The following ENTPD1 variants were observed in gnomAD, a reference collection of about 807,000 sequenced individuals.
ENTPD1 encodes the protein ATP diphosphohydrolase.
Under a neutral mutation model 57.0 loss-of-function variants are expected in ENTPD1, and 33 were observed. That is an observed-to-expected ratio of 0.58 (90% CI 0.44 to 0.77). The LOEUF (loss-of-function observed/expected upper bound fraction) is 0.77. Ranked by LOEUF, ENTPD1 falls within the 30% of genes least tolerant of loss-of-function variation. ENTPD1 has a pLI of 0.00. For synonymous variants in ENTPD1, 202 were observed against 218.8 expected (o/e 0.92, Z 0.68); for missense variants, 501 against 603.4 (o/e 0.83, Z 1.78).
At position 95,726,057 on chromosome 10, in the gene ENTPD1, C is replaced by T. The variant is rs993710654; in HGVS notation, c.37+14064C>T. Among the ~76,000 whole-genome samples, 5 of 152,164 alleles carry T rather than the reference C, an allele frequency of 3.3e-5. 1 individual carries two copies. Among genetic ancestry groups the T allele is most frequent in the African/African-American group, 1.2e-4 (5 of 41,424 alleles). On this transcript the variant is annotated intron_variant, in intron 1 of 9. Coordinates refer to the ENTPD1 transcript ENST00000453258. Reference sequence around the variant, plus strand: ...TGGGTAGAGACTAAAGGGGAGTCATCCCTGGCAAGCAGGTCATAGTTTCCC... The same window carrying T: ...TGGGTAGAGACTAAAGGGGAGTCATTCCTGGCAAGCAGGTCATAGTTTCCC...
intron 1 of ENTPD1, among the ~76,000 whole-genome samples, chr10:95,819,375 C>G (rs752624923): frequency 4.3e-4 from 66 of 151,940 alleles, no homozygotes; most frequent in Non-Finnish European, 8.7e-4. Context: ...CATGTTACCC[C>G]CCAGTCTCAA....
intron 1 of ENTPD1, among the ~76,000 whole-genome samples, chr10:95,767,604 T>C (rs1402430742): frequency 1.3e-5 from 2 of 152,118 alleles, no homozygotes; most frequent in Non-Finnish European, 2.9e-5. Flanking sequence ...AATTTTAATA[T>C]AGTTCTTATC....
At position 95,844,100 on chromosome 10, in the gene ENTPD1, G is replaced by A. The variant is rs143839991; in HGVS notation, c.414-376G>A. 1.1e-3 allele frequency among the ~76,000 whole-genome samples: 172 copies of A among 152,218 alleles called. 1 individual carries two copies. Among genetic ancestry groups the A allele is most frequent in the Non-Finnish European group, 1.1e-3 (72 of 68,012 alleles). ...TAACCAGCTAGGAGCCACCCACAGT[G>A]GTTAATATAGCACACATCAGCTTCA... is the stretch of plus-strand genomic sequence containing the variant. On this transcript the variant is annotated intron_variant, in intron 4 of 9. Coordinates refer to ENST00000371205, the MANE Select transcript of ENTPD1 (RefSeq NM_001776.6).
At chr10:95,751,693 C>T (rs761100127), upstream of ENTPD1, among the ~76,000 whole-genome samples, 39 of 140,894 alleles carry the variant, frequency 2.8e-4, no homozygotes, top group South Asian at 1.3e-3. Context: ...CCAGCCTGGG[C>T]GACAGAGTGA....
intron 1 of ENTPD1, among the ~76,000 whole-genome samples, chr10:95,764,767 G>A (rs1053128203): frequency 7.5e-6 from 1 of 133,022 alleles, no homozygotes; most frequent in Non-Finnish European, 1.5e-5. Flanking sequence ...TTGTTGCCCA[G>A]GCTGGAGTGT....
intron 1 of ENTPD1, among the ~76,000 whole-genome samples, chr10:95,769,692 C>T (rs537749223): frequency 3.9e-5 from 6 of 152,272 alleles, no homozygotes; most frequent in Admixed American, 6.5e-5. Context: ...AGAGACTAGT[C>T]GGGAGACTAC....
At chr10:95,834,917 C>T (rs958873111) in intron 2 of ENTPD1, among the ~76,000 whole-genome samples, 16 of 144,814 alleles carry the variant, frequency 1.1e-4, no homozygotes, top group East Asian at 3.9e-4. Context: ...AGCGAGACTC[C>T]GTCTCAAAAA....
chr10:95,866,556 T>A lies in ENTPD1; in HGVS notation c.*173T>A. ...TTTCTTTTGGAGGTATTCAATATCC[T>A]TTGCCTCAAGGACTTCGGCAGATAC... On this transcript the variant is annotated 3_prime_UTR_variant, in exon 10 of 10. Transcript: ENST00000371205. The A allele has an allele frequency of 2.0e-6, 3 of 1,486,066 alleles. No homozygotes were observed. Among genetic ancestry groups the A allele is most frequent in the Non-Finnish European group, 2.7e-6 (3 of 1,122,498 alleles). The allele number at this position is 1,486,066 out of a possible 1,614,324, so 92.1% of individuals were successfully genotyped here.
Position 95,847,512 on chromosome 10 carries a change from A to C in ENTPD1, c.880A>C (p.Ser294Arg). The change falls in exon 7 of 10, where the codon AGT (serine) becomes CGT (arginine). Residue 294 changes from serine (S) to arginine (R), a missense_variant. Ser to Arg is a moderately radical substitution (Grantham distance 110). Transcript: ENST00000371205. ...TGGATATAAGAAGGTAGTGAACGTAAGTGACCTTTACAAGACCCCCTGCAC... is the reference window on the plus strand; with the variant it reads ...TGGATATAAGAAGGTAGTGAACGTACGTGACCTTTACAAGACCCCCTGCAC... The part of the protein sequence containing the change: ...HPGYKKVVNV[S>R]DLYKTPCTKR... The C allele has an allele frequency of 6.2e-7, 1 of 1,614,174 alleles. No individual in the cohort carries two copies.
intron 1 of ENTPD1, among the ~76,000 whole-genome samples, chr10:95,733,823 C>G (rs1566094381): frequency 6.6e-6 from 1 of 152,074 alleles, no homozygotes; most frequent in South Asian, 2.1e-4. Flanking sequence ...ATTGTGGGTT[C>G]CCAGTCCTAC....
At chr10:95,704,395 TA>T in the ENTPD1 span, among the ~76,000 whole-genome samples, 10 of 152,140 alleles carry the variant, frequency 6.6e-5, no homozygotes, top group Non-Finnish European at 1.0e-4. Context: ...ATCTTATTAT[TA>T]AGATAAAATA....
rs2141038391 is a variant in ENTPD1 at position 95,874,826 on chromosome 10, A to T, written c.*8443A>T. Among the ~76,000 whole-genome samples, 1 of 152,328 alleles carries T rather than the reference A, an allele frequency of 6.6e-6. No homozygotes were observed. The highest frequency in any genetic ancestry group is 2.1e-4 in the South Asian group (1 of 4,826). ...ACATCTCTGCACCCACAGGCTCAAC[A>T]TCACATGGAAGCTGCCAATGCTTGG... On this transcript the variant is annotated 3_prime_UTR_variant, in exon 10 of 10. Transcript: ENST00000371205.
chr10:95,838,091 CCTT>C (rs967733106), intron 2 of ENTPD1, among the ~76,000 whole-genome samples: 8 of 152,284 alleles, frequency 5.3e-5, no homozygotes, highest in Middle Eastern at 3.4e-3. Flanking sequence ...ACAAGCGTCT[CCTT>C]CTTCTCTTCC....
In ENTPD1 at chr10:95,756,198, G is replaced by GC; in HGVS notation, c.-42_-41insC. ...ACCACAGCAAGCAGAGGCTGGGGGG[G>GC]GGAAAGACGAGGAAAGAGGAGGAAA... On this transcript the variant is annotated 5_prime_UTR_variant, in exon 1 of 10. Coordinates refer to ENST00000371205, the MANE Select transcript of ENTPD1 (RefSeq NM_001776.6). The GC allele has an allele frequency of 6.3e-7, 1 of 1,581,510 alleles. No individual in the cohort carries two copies. Among genetic ancestry groups the GC allele is most frequent in the South Asian group, 1.2e-5 (1 of 86,830 alleles).
At chr10:95,827,059 C>G (rs2098379782) in intron 2 of ENTPD1, among the ~76,000 whole-genome samples, 2 of 152,070 alleles carry the variant, frequency 1.3e-5, no homozygotes, top group Non-Finnish European at 1.5e-5. Context: ...TTTCAAAGAG[C>G]TACATTTTAG....
In ENTPD1 at chr10:95,876,448, T is replaced by C; in HGVS notation, c.*10065T>C. ...GGTTCTGCAATCTATAGGCATACCA[T>C]AATTGTAATCAATAGCTTAAAAATA... On this transcript the variant is annotated 3_prime_UTR_variant, in exon 10 of 10. Coordinates refer to ENST00000371205, the MANE Select transcript of ENTPD1 (RefSeq NM_001776.6). The C allele has an allele frequency of 2.4e-6, 3 of 1,231,490 alleles. No individual in the cohort carries two copies. Among genetic ancestry groups the C allele is most frequent in the Non-Finnish European group, 3.0e-6 (3 of 987,798 alleles). The allele number at this position is 1,231,490 out of a possible 1,614,324, so 76.3% of individuals were successfully genotyped here. A position where few individuals can be genotyped will look rare whatever the true frequency, so the allele number is the denominator to read the frequency against.
At chr10:95,860,344 A>T (rs967296438) in intron 7 of ENTPD1, 125 bp from the exon 8 acceptor site, 75 of 749,896 alleles carry the variant, frequency 1.0e-4, no homozygotes, top group Non-Finnish European at 1.6e-4. Context: ...CTGCAATATC[A>T]CTTTGTGTGT....
At chr10:95,776,086 A>ATATCCAATTTGCCAGTCTGTG (rs2098132809) in intron 1 of ENTPD1, among the ~76,000 whole-genome samples, 1 of 151,570 alleles carries the variant, frequency 6.6e-6, no homozygotes, top group African/African-American at 2.4e-5. Flanking sequence ...GGTCTTGACT[A>ATATCCAATTTGCCAGTCTGTG]TATCCAATTT....
chr10:95,788,125 G>C (rs2098187902), intron 1 of ENTPD1, among the ~76,000 whole-genome samples: 1 of 152,150 alleles, frequency 6.6e-6, no homozygotes, highest in Admixed American at 6.5e-5. Flanking sequence ...GAGAAGGTAG[G>C]AGAAATGACT....
Sources: allele counts gnomAD v4.1 joint callset (sites outside exome capture counted in the v4.1 genomes callset), GRCh38; gene constraint gnomAD v4.1.1; transcripts MANE v1.5; gene names NCBI Gene and HGNC (gene_info 2026-07-23, HGNC 2026-07-21).